CLVS1: variants seen among roughly 807,000 people sequenced by gnomAD.
CLVS1 encodes the protein clavesin-1.
CLVS1 carries 10 observed loss-of-function variants against 33.1 expected under a neutral mutation model. The observed-to-expected ratio is 0.30, with a 90% CI of 0.19 to 0.51. CLVS1 has a LOEUF of 0.51. Among genes scored for constraint, CLVS1 ranks in the 20% least tolerant of loss-of-function variants. The probability of loss-of-function intolerance (pLI) is 0.97; values close to 1 mark genes in which losing one functional copy is unlikely to be tolerated. For missense variants in CLVS1, 343 were observed against 433.4 expected (o/e 0.79, Z 1.85); for synonymous variants, 163 against 166.1 (o/e 0.98, Z 0.14).
chr8:61,175,257 C>A (rs1055081915), intron 2 of CLVS1, among the ~76,000 whole-genome samples: 1 of 152,050 alleles, frequency 6.6e-6, no homozygotes, highest in African/African-American at 2.4e-5. Context: ...GAGAATAGAG[C>A]CCTCATGAAT....
the CLVS1 span, among the ~76,000 whole-genome samples, chr8:61,033,662 G>C: frequency 6.6e-6 from 1 of 152,158 alleles, no homozygotes; most frequent in East Asian, 1.9e-4. Context: ...GGGAGCTTTT[G>C]GGCAGAACAG....
chr8:61,419,292 G>A (rs559995214), intron 3 of CLVS1, among the ~76,000 whole-genome samples: 1 of 151,538 alleles, frequency 6.6e-6, no homozygotes, highest in Non-Finnish European at 1.5e-5. Flanking sequence ...AGCTACTCAG[G>A]AGGCTGCGGC....
chr8:61,258,678 G>T (rs1809135832), intron 2 of CLVS1, among the ~76,000 whole-genome samples: 1 of 152,152 alleles, frequency 6.6e-6, no homozygotes, highest in Non-Finnish European at 1.5e-5. Flanking sequence ...CTAAACCACG[G>T]AGAACATCCT....
At chr8:61,413,443 G>A (rs1287107494) in intron 3 of CLVS1, among the ~76,000 whole-genome samples, 7 of 152,092 alleles carry the variant, frequency 4.6e-5, no homozygotes, top group African/African-American at 1.7e-4. Context: ...TTACATACAG[G>A]GGAAAGAGTC....
chr8:61,250,505 G>C (rs749483899), intron 2 of CLVS1, among the ~76,000 whole-genome samples: 1 of 152,114 alleles, frequency 6.6e-6, no homozygotes, highest in Non-Finnish European at 1.5e-5. Context: ...AATTACTCTG[G>C]GCAGTATGGC....
At chr8:61,058,500 C>T (rs566108878) in intron 1 of CLVS1, among the ~76,000 whole-genome samples, 12 of 152,154 alleles carry the variant, frequency 7.9e-5, no homozygotes, top group African/African-American at 2.9e-4. Flanking sequence ...ATCTGTTCTC[C>T]CCATTATCCA....
chr8:61,053,369 A>G (rs1048123186), upstream of CLVS1, among the ~76,000 whole-genome samples: 1 of 152,174 alleles, frequency 6.6e-6, no homozygotes, highest in South Asian at 2.1e-4. Context: ...GAGGAGAGAA[A>G]GCTGGGAACG....
chr8:61,037,898 TGGGTGACCTTGCTCTGGCA>T, the CLVS1 span, among the ~76,000 whole-genome samples: 2 of 152,206 alleles, frequency 1.3e-5, no homozygotes, highest in African/African-American at 2.4e-5. Context: ...GAGCTCTGGC[TGGGTGACCTTGCTCTGGCA>T]GGGTGGTCAG....
intron 2 of CLVS1, among the ~76,000 whole-genome samples, chr8:61,181,776 T>A (rs1369248275): frequency 6.9e-6 from 1 of 145,408 alleles, no homozygotes; most frequent in Non-Finnish European, 1.5e-5. Context: ...CTCTGCTCAC[T>A]GCAAACTCCA....
chr8:61,232,043 T>TG (rs1563455158), intron 2 of CLVS1, among the ~76,000 whole-genome samples: 3 of 139,932 alleles, frequency 2.1e-5, no homozygotes, highest in Admixed American at 7.0e-5. Context: ...TTTTTTTTTT[T>TG]TTTTTTTGTG....
the CLVS1 span, among the ~76,000 whole-genome samples, chr8:61,044,689 T>G: frequency 6.6e-6 from 1 of 152,184 alleles, no homozygotes; most frequent in Admixed American, 6.5e-5. Context: ...CTATAGCCCC[T>G]CTTGTGGTCT....
At chr8:61,084,782 T>C (rs1192377638) in intron 1 of CLVS1, among the ~76,000 whole-genome samples, 1 of 152,200 alleles carries the variant, frequency 6.6e-6, no homozygotes, top group Non-Finnish European at 1.5e-5. Flanking sequence ...CCAATACTGA[T>C]CTAAAAGTTT....
At chr8:61,450,376 C>T (rs1816909316) in intron 3 of CLVS1, among the ~76,000 whole-genome samples, 1 of 152,106 alleles carries the variant, frequency 6.6e-6, no homozygotes, top group Non-Finnish European at 1.5e-5. Flanking sequence ...TGCAACTTTA[C>T]ATAAAATGAA....
rs377527121 is a variant in CLVS1 at position 61,194,896 on chromosome 8, C to G, written c.-152+63036C>G. Among the ~76,000 whole-genome samples, 105 of 150,464 alleles carry G rather than the reference C, an allele frequency of 7.0e-4. No homozygotes were observed. The South Asian group carries it at 0.022, about 31-fold the overall frequency. ...TATTTTATTAAGTATGTTCTTTGAC[C>G]ACAACACCAGTAGCAAATTGAAAAT... is the stretch of plus-strand genomic sequence containing the variant. On this transcript the variant is annotated intron_variant, in intron 2 of 2. Transcript: ENST00000522621.
intron 5 of CLVS1, among the ~76,000 whole-genome samples, chr8:61,466,954 ATAT>A (rs1586015457): frequency 6.6e-6 from 1 of 152,286 alleles, no homozygotes; most frequent in East Asian, 1.9e-4. Flanking sequence ...TGGCCTATAG[ATAT>A]TATTTAAAAG....
intron 2 of CLVS1, among the ~76,000 whole-genome samples, chr8:61,308,955 T>C (rs1810735222): frequency 6.6e-6 from 1 of 152,174 alleles, no homozygotes; most frequent in African/African-American, 2.4e-5. Flanking sequence ...GAATCACCGG[T>C]ATGCTGTTAA....
At chr8:61,274,489 C>T (rs1475181847) in intron 2 of CLVS1, among the ~76,000 whole-genome samples, 1 of 152,064 alleles carries the variant, frequency 6.6e-6, no homozygotes, top group Non-Finnish European at 1.5e-5. Context: ...TATCTTGTTG[C>T]TTTCTTCTCC....
chr8:61,150,101 G>GGTGTTTGTGTGTGTGTGT (rs1806498008), intron 2 of CLVS1, among the ~76,000 whole-genome samples: 1 of 146,438 alleles, frequency 6.8e-6, no homozygotes, highest in Non-Finnish European at 1.5e-5. Flanking sequence ...ATTTGAGAAA[G>GGTGTTTGTGTGTGTGTGT]GTGTGTGTGT....
intron 3 of CLVS1, among the ~76,000 whole-genome samples, chr8:61,452,642 G>A (rs1195271871): frequency 6.6e-5 from 10 of 152,028 alleles, no homozygotes; most frequent in Non-Finnish European, 1.3e-4. Flanking sequence ...AATTAGTTTT[G>A]GAATAGCAAG....
Sources: gnomAD v4.1 joint callset for allele counts (sites outside exome capture counted in the v4.1 genomes callset) on GRCh38, gnomAD v4.1.1 for gene constraint, MANE v1.5 for transcripts, NCBI Gene and HGNC (gene_info 2026-07-23, HGNC 2026-07-21) for gene names.